AOX1: variants seen among roughly 807,000 people sequenced by gnomAD.
The protein encoded by AOX1 is aldehyde oxidase 1, also known as aldehyde oxidase.
In AOX1, 153 loss-of-function variants were observed where a neutral mutation model predicts 169.5. The ratio of observed to expected loss-of-function variants is 0.90; its 90% CI spans 0.79 to 1.03. The LOEUF (loss-of-function observed/expected upper bound fraction) is 1.03, where lower values mean the gene tolerates loss of function less well. Ranked by LOEUF, AOX1 falls within the 50% of genes least tolerant of loss-of-function variation. The probability of loss-of-function intolerance (pLI) is 0.00; values close to 1 mark genes in which losing one functional copy is unlikely to be tolerated. For synonymous variants in AOX1, 562 were observed against 581.9 expected, an observed-to-expected ratio of 0.97 and a Z score of 0.49; for missense variants, 1,656 against 1,663.9, an observed-to-expected ratio of 1.00 and a Z score of 0.08.
intron 25 of AOX1, among the ~76,000 whole-genome samples, chr2:200,645,546 C>A (rs1389266585): frequency 6.6e-6 from 1 of 151,930 alleles, no homozygotes; most frequent in Non-Finnish European, 1.5e-5. Flanking sequence ...TGGTTATGTC[C>A]TTTCCTGGTT....
intron 25 of AOX1, among the ~76,000 whole-genome samples, chr2:200,646,505 A>T (rs778831760): frequency 6.6e-6 from 1 of 152,154 alleles, no homozygotes; most frequent in Non-Finnish European, 1.5e-5. Context: ...AGAAAGTTCC[A>T]TGTGCCGTTG....
At chr2:200,640,447 G>A (rs2035331631) in intron 23 of AOX1, among the ~76,000 whole-genome samples, 1 of 152,172 alleles carries the variant, frequency 6.6e-6, no homozygotes, top group Non-Finnish European at 1.5e-5. Flanking sequence ...TGGGGTCTGA[G>A]ATATGACAGT....
rs932416646 is a variant in AOX1 at position 200,671,221 on chromosome 2, T to C, written c.*542T>C. On this transcript the variant is annotated 3_prime_UTR_variant, in exon 35 of 35. Coordinates refer to ENST00000374700, the MANE Select transcript of AOX1 (RefSeq NM_001159.4). ...AAAACCCAAAAGCTTTAAAAGTTAC[T>C]ATCAAGAAATTGAAAGGAAACCCAC... 2 of 152,230 alleles carry C rather than the reference T, an allele frequency of 1.3e-5. No individual in the cohort carries two copies. Among genetic ancestry groups the C allele is most frequent in the African/African-American group, 2.4e-5 (1 of 41,452 alleles). The allele number at this position is 152,230 out of a possible 1,614,324, so 9.4% of individuals were successfully genotyped here. A position where few individuals can be genotyped will look rare whatever the true frequency, so the allele number is the denominator to read the frequency against.
chr2:200,588,725 G>GTTTTTTT (rs1247445142), intron 1 of AOX1, among the ~76,000 whole-genome samples: 2 of 40,888 alleles, frequency 4.9e-5, no homozygotes, highest in African/African-American at 1.4e-4. Context: ...ACTAGAATAA[G>GTTTTTTT]CTTTTTTTTT....
intron 16 of AOX1, among the ~76,000 whole-genome samples, chr2:200,617,183 A>C (rs2034776499): frequency 1.3e-5 from 2 of 152,230 alleles, no homozygotes; most frequent in South Asian, 2.1e-4. Context: ...ATTGATTGCA[A>C]AACAAAGTTT....
chr2:200,679,152 TC>T (rs199664878), downstream of AOX1, among the ~76,000 whole-genome samples: 1,574 of 152,308 alleles, frequency 0.01, 27 homozygotes, highest in African/African-American at 0.036. Flanking sequence ...ACATTCAAGA[TC>T]ATTTATGTCA....
intron 26 of AOX1, among the ~76,000 whole-genome samples, chr2:200,654,206 CAAAAAAAAAAA>C (rs60045401): frequency 4.7e-5 from 4 of 84,766 alleles, no homozygotes; most frequent in East Asian, 4.8e-4. Flanking sequence ...GACCCTGTCT[CAAAAAAAAAAA>C]AAAAAAAAAA....
chr2:200,608,872 G>A, intron 10 of AOX1, 112 bp from the exon 11 acceptor site: 1 of 904,064 alleles, frequency 1.1e-6, no homozygotes. Context: ...TCACCAATAA[G>A]CAGGGCAGCA....
At chr2:200,592,435 G>A (rs953751812) in intron 1 of AOX1, among the ~76,000 whole-genome samples, 1 of 152,176 alleles carries the variant, frequency 6.6e-6, no homozygotes, top group Non-Finnish European at 1.5e-5. Context: ...GAATCCAAAA[G>A]AAATGTCAAA....
At chr2:200,676,886 T>C (rs1275565729) in exon 5 of AOX1, 2 of 470,628 alleles carry the variant, frequency 4.2e-6, no homozygotes, top group South Asian at 1.5e-5. Context: ...AGGGAGCACA[T>C]GGCAAGCCTG....
intron 21 of AOX1, among the ~76,000 whole-genome samples, 179 bp from the exon 22 acceptor site, chr2:200,636,732 A>T (rs1416936547): frequency 4.6e-5 from 7 of 152,212 alleles, no homozygotes; most frequent in Admixed American, 4.6e-4. Context: ...TAGCATAACC[A>T]CACAGTATGG....
intron 25 of AOX1, among the ~76,000 whole-genome samples, chr2:200,644,346 G>A (rs995999749): frequency 6.6e-5 from 10 of 152,132 alleles, no homozygotes; most frequent in South Asian, 2.1e-4. Context: ...GTTTTTGTTC[G>A]CTTTGTCAAA....
chr2:200,648,749 G>A (rs2105755397), intron 25 of AOX1, among the ~76,000 whole-genome samples: 1 of 152,234 alleles, frequency 6.6e-6, no homozygotes, highest in East Asian at 1.9e-4. Flanking sequence ...ACTGTCCTTG[G>A]GTGGGTCTTG....
intron 1 of AOX1, among the ~76,000 whole-genome samples, chr2:200,587,285 T>G (rs2034058659): frequency 6.6e-6 from 1 of 152,060 alleles, no homozygotes; most frequent in Non-Finnish European, 1.5e-5. Context: ...GAGATCCTAT[T>G]TCTTAAAAAC....
chr2:200,659,110 C>A, intron 27 of AOX1, 55 bp from the exon 28 acceptor site: 1 of 1,586,084 alleles, frequency 6.3e-7, no homozygotes, highest in Admixed American at 1.7e-5. Flanking sequence ...TGGGCATGTG[C>A]ACAGGTCTGT....
At position 200,599,668 on chromosome 2, in the gene AOX1, G is replaced by T; in HGVS notation, c.358G>T (p.Gly120Trp). The change falls in exon 5 of 35, where the codon GGG (glycine) becomes TGG (tryptophan). Residue 120 changes from glycine to tryptophan, a missense_variant. Transcript: ENST00000374700. ...HGTQCGFCTP[G>W]MVMSIYTLLR... ...CACCCAGTGTGGCTTCTGCACACCT[G>T]GGATGGTGATGTCCATCTACACGCT... The T allele has an allele frequency of 6.2e-7, 1 of 1,612,360 alleles. No homozygotes were observed. The highest frequency in any genetic ancestry group is 8.5e-7 in the Non-Finnish European group (1 of 1,178,992).
intron 31 of AOX1, among the ~76,000 whole-genome samples, chr2:200,665,571 ACAGG>A (rs2035910111): frequency 6.6e-6 from 1 of 152,180 alleles, no homozygotes; most frequent in African/African-American, 2.4e-5. Context: ...AGCTGGGACT[ACAGG>A]CACGTGCCAT....
chr2:200,613,371 T>A (rs1008627259), intron 14 of AOX1, among the ~76,000 whole-genome samples: 8 of 152,142 alleles, frequency 5.3e-5, no homozygotes, highest in Non-Finnish European at 1.2e-4. Context: ...ATATTGGTAC[T>A]TTGGTTCCCT....
intron 3 of AOX1, among the ~76,000 whole-genome samples, chr2:200,595,573 T>C (rs774273949): frequency 5.9e-5 from 9 of 151,920 alleles, no homozygotes; most frequent in African/African-American, 9.7e-5. Context: ...TAACATACGG[T>C]CAAAGAATTC....
Sources: allele counts gnomAD v4.1 joint callset (sites outside exome capture counted in the v4.1 genomes callset), GRCh38; gene constraint gnomAD v4.1.1; transcripts MANE v1.5; gene names NCBI Gene and HGNC (gene_info 2026-07-23, HGNC 2026-07-21).